Variants in MCC observed in about 807,000 individuals in gnomAD.
The protein encoded by MCC is MCC regulator of Wnt signaling pathway.
Under a neutral mutation model 116.2 loss-of-function variants are expected in MCC, and 90 were observed. That is an observed-to-expected ratio of 0.77 (90% CI 0.65 to 0.92). The LOEUF (loss-of-function observed/expected upper bound fraction) is 0.92. Ranked by LOEUF, MCC falls within the 40% of genes least tolerant of loss-of-function variation. MCC has a pLI of 0.00. For synonymous variants in MCC, 578 were observed against 510.5 expected (o/e 1.13, Z -1.78); for missense variants, 1,516 against 1,312.2 (o/e 1.16, Z -2.40).
chr5:113,441,180 C>T (rs375663283), intron 1 of MCC, among the ~76,000 whole-genome samples: 24 of 152,030 alleles, frequency 1.6e-4, no homozygotes, highest in African/African-American at 4.3e-4. Context: ...ACTAAAAATA[C>T]AAAAATTAGC....
chr5:113,102,252 T>C (rs936194958), intron 7 of MCC, among the ~76,000 whole-genome samples: 1 of 152,224 alleles, frequency 6.6e-6, no homozygotes, highest in Non-Finnish European at 1.5e-5. Context: ...ACAATGCTTA[T>C]TTCCTTCACT....
At chr5:113,036,351 C>G (rs1751332338) in intron 17 of MCC, among the ~76,000 whole-genome samples, 1 of 152,074 alleles carries the variant, frequency 6.6e-6, no homozygotes, top group Admixed American at 6.5e-5. Flanking sequence ...AGATGAGGAA[C>G]TTAAGATTAG....
chr5:113,319,529 G>A (rs1430617422), intron 3 of MCC, among the ~76,000 whole-genome samples: 3 of 152,182 alleles, frequency 2.0e-5, no homozygotes, highest in Non-Finnish European at 4.4e-5. Flanking sequence ...CCCATTGGCT[G>A]AGCATTTTCT....
At chr5:113,309,084 A>T (rs887597971) in intron 3 of MCC, among the ~76,000 whole-genome samples, 1 of 152,250 alleles carries the variant, frequency 6.6e-6, no homozygotes, top group African/African-American at 2.4e-5. Context: ...TACATTGTCC[A>T]ATTAAACTAT....
At chr5:113,407,639 T>C (rs1293369595) in intron 1 of MCC, among the ~76,000 whole-genome samples, 2 of 152,126 alleles carry the variant, frequency 1.3e-5, no homozygotes, top group Non-Finnish European at 2.9e-5. Flanking sequence ...TTTAAAAATT[T>C]TTATTTTGCT....
At chr5:113,268,469 T>C (rs987847321) in intron 3 of MCC, among the ~76,000 whole-genome samples, 2 of 152,180 alleles carry the variant, frequency 1.3e-5, no homozygotes, top group Non-Finnish European at 2.9e-5. Flanking sequence ...TACCTACCAT[T>C]AGTAGTCTGA....
chr5:113,300,759 G>C (rs1384488747), intron 3 of MCC, among the ~76,000 whole-genome samples: 4 of 152,116 alleles, frequency 2.6e-5, no homozygotes, highest in African/African-American at 9.7e-5. Flanking sequence ...GTGGCCTTCT[G>C]ATCAATTACC....
In MCC at chr5:113,488,271, G is replaced by C; in HGVS notation, c.144C>G (p.Asp48Glu). ...TGCTGATGTATCCGTCCCCGTCGCC[G>C]TCGCACGTCTGGAAGAGGCGCCGCA... ...ERMRRLFQTC[D>E]GDGDGYISRN... is the part of the protein sequence containing the mutation. The change falls in exon 1 of 19, where the codon GAC becomes GAG. Residue 48 changes from aspartate (D) to glutamate (E), a missense_variant. Transcript: ENST00000408903. 2 of 1,595,170 alleles carry C rather than the reference G, an allele frequency of 1.3e-6. No individual in the cohort carries two copies. The highest frequency in any genetic ancestry group is 1.7e-6 in the Non-Finnish European group (2 of 1,171,666).
intron 1 of MCC, among the ~76,000 whole-genome samples, chr5:113,484,737 GT>G (rs1772469164): frequency 6.6e-6 from 1 of 152,166 alleles, no homozygotes; most frequent in Non-Finnish European, 1.5e-5. Flanking sequence ...TTTGTCAAAG[GT>G]ATGTTCAACA....
chr5:113,125,876 G>GA (rs965011646), intron 5 of MCC, among the ~76,000 whole-genome samples: 49 of 152,124 alleles, frequency 3.2e-4, no homozygotes, highest in Admixed American at 1.8e-3. Flanking sequence ...TTTCTTTGGG[G>GA]AAAAAATGCC....
At chr5:113,248,243 A>G in intron 3 of MCC, among the ~76,000 whole-genome samples, 1 of 151,948 alleles carries the variant, frequency 6.6e-6, no homozygotes, top group Middle Eastern at 3.4e-3. Context: ...TTTAAAAAAA[A>G]AAAAAAAAAA....
chr5:113,455,534 C>G (rs561375052), intron 1 of MCC, among the ~76,000 whole-genome samples: 1 of 152,236 alleles, frequency 6.6e-6, no homozygotes, highest in Non-Finnish European at 1.5e-5. Context: ...CAACTCCTCA[C>G]AGCAGCCCTC....
chr5:113,255,094 G>A (rs1262159708), intron 3 of MCC, among the ~76,000 whole-genome samples: 1 of 152,162 alleles, frequency 6.6e-6, no homozygotes, highest in Non-Finnish European at 1.5e-5. Context: ...AAACCCAGGA[G>A]GTGGAGGTTG....
chr5:113,316,308 T>C (rs1437692022), intron 3 of MCC, among the ~76,000 whole-genome samples: 2 of 151,550 alleles, frequency 1.3e-5, no homozygotes, highest in Non-Finnish European at 2.9e-5. Flanking sequence ...CTACTTATCA[T>C]AAGTCATATT....
chr5:113,058,373 G>A (rs543100654), intron 14 of MCC, among the ~76,000 whole-genome samples: 134 of 152,278 alleles, frequency 8.8e-4, no homozygotes, highest in African/African-American at 3.0e-3. Context: ...AGCACCTGGG[G>A]ACTTGTTAGA....
intron 3 of MCC, among the ~76,000 whole-genome samples, chr5:113,315,088 TAA>T (rs1767246362): frequency 1.3e-5 from 2 of 152,372 alleles, no homozygotes; most frequent in South Asian, 4.1e-4. Flanking sequence ...AAATACATTA[TAA>T]ACTCTATTCA....
At chr5:113,410,606 T>C (rs1016342193) in intron 1 of MCC, among the ~76,000 whole-genome samples, 12 of 152,208 alleles carry the variant, frequency 7.9e-5, no homozygotes, top group African/African-American at 1.4e-4. Flanking sequence ...TGAATTATTA[T>C]GCAACTCTTA....
At chr5:113,299,619 T>C (rs558798403) in intron 3 of MCC, among the ~76,000 whole-genome samples, 9 of 152,194 alleles carry the variant, frequency 5.9e-5, no homozygotes, top group Non-Finnish European at 1.2e-4. Context: ...AGGCTATAAG[T>C]AAAAGGTTTC....
In MCC at chr5:113,458,181, T is replaced by C. The variant is rs566759770; in HGVS notation, c.170+30064A>G. On this transcript the variant is annotated intron_variant, in intron 1 of 18. Transcript: ENST00000408903. ...CCACACTGTGGAAGCTTTGTTCTTT[T>C]GCTCTTTGCAATAAATCTTGCTACT... Among the ~76,000 whole-genome samples the C allele has an allele frequency of 2.0e-5, 3 of 152,302 alleles. No individual in the cohort carries two copies. The South Asian group carries it at 6.2e-4, about 32-fold the overall frequency.
Sources: allele counts gnomAD v4.1 joint callset (sites outside exome capture counted in the v4.1 genomes callset), GRCh38; gene constraint gnomAD v4.1.1; transcripts MANE v1.5; gene names NCBI Gene and HGNC (gene_info 2026-07-23, HGNC 2026-07-21).